Variants in LUZP2 observed in about 807,000 individuals in gnomAD.
LUZP2 encodes the protein leucine zipper protein 2.
Under a neutral mutation model 51.6 loss-of-function variants are expected in LUZP2, and 52 were observed. The observed-to-expected ratio is 1.01, with a 90% CI of 0.81 to 1.27. LUZP2 has a LOEUF of 1.27. Ranked by LOEUF, LUZP2 falls within the 50% of genes most tolerant of loss-of-function variation. LUZP2 has a pLI of 0.00. For synonymous variants in LUZP2, 154 were observed against 137.3 expected, an observed-to-expected ratio of 1.12 and a Z score of -0.85; for missense variants, 436 against 395.4, an observed-to-expected ratio of 1.10 and a Z score of -0.87.
chr11:24,785,910 A>T (rs1849233252), intron 5 of LUZP2: 32 of 985,238 alleles, frequency 3.2e-5, no homozygotes, highest in Non-Finnish European at 3.9e-5. Context: ...AGCAGTTATA[A>T]CTAGCAGGAA....
At chr11:25,017,515 G>T (rs950426682) in intron 9 of LUZP2, among the ~76,000 whole-genome samples, 6 of 152,110 alleles carry the variant, frequency 3.9e-5, no homozygotes, top group African/African-American at 1.2e-4. Context: ...ATTGAATGGG[G>T]TGTTGTTTCC....
intron 10 of LUZP2, among the ~76,000 whole-genome samples, chr11:25,075,526 C>T (rs1281659323): frequency 6.6e-6 from 1 of 152,020 alleles, no homozygotes; most frequent in East Asian, 1.9e-4. Flanking sequence ...ATAAATGTTG[C>T]CCCTGTCTTA....
chr11:25,018,577 A>G (rs1248930195), intron 9 of LUZP2, among the ~76,000 whole-genome samples: 6 of 149,594 alleles, frequency 4.0e-5, no homozygotes, highest in African/African-American at 1.5e-4. Flanking sequence ...CTATAATATA[A>G]TACTATCATT....
rs542406907 is a variant in LUZP2 at position 24,756,698 on chromosome 11, C to A, written c.334-6548C>A. 2.0e-5 allele frequency among the ~76,000 whole-genome samples: 3 copies of A among 152,304 alleles called. No individual in the cohort carries two copies. The South Asian group carries it at 6.2e-4, about 32-fold the overall frequency. Reference sequence around the variant, plus strand: ...CAATTAACACAGAAGACTTCTGTGACCAAATGTATGGGGATTTGTTCTACT... The same window carrying A: ...CAATTAACACAGAAGACTTCTGTGAACAAATGTATGGGGATTTGTTCTACT... On this transcript the variant is annotated intron_variant, in intron 4 of 11. Coordinates refer to ENST00000336930, the MANE Select transcript of LUZP2 (RefSeq NM_001009909.4).
intron 7 of LUZP2, among the ~76,000 whole-genome samples, chr11:24,936,486 C>T (rs997803596): frequency 6.6e-6 from 1 of 152,138 alleles, no homozygotes; most frequent in East Asian, 1.9e-4. Flanking sequence ...TCCTCAAAAA[C>T]ATTGCCTCTG....
At chr11:25,007,359 T>A (rs945488209) in intron 9 of LUZP2, among the ~76,000 whole-genome samples, 6 of 152,156 alleles carry the variant, frequency 3.9e-5, no homozygotes, top group African/African-American at 1.4e-4. Flanking sequence ...TCCTAGCACT[T>A]TGGTAGGCTG....
At chr11:24,932,422 G>T (rs751337167) in intron 7 of LUZP2, among the ~76,000 whole-genome samples, 11 of 152,206 alleles carry the variant, frequency 7.2e-5, no homozygotes, top group African/African-American at 2.6e-4. Flanking sequence ...CCTTCAGGTC[G>T]GGGGCAGGTT....
intron 7 of LUZP2, among the ~76,000 whole-genome samples, chr11:24,937,101 G>A (rs1009779505): frequency 2.0e-5 from 3 of 151,922 alleles, no homozygotes; most frequent in Non-Finnish European, 4.4e-5. Flanking sequence ...ACTTATCTTG[G>A]GGTCTAGGAC....
chr11:24,884,417 T>A (rs532266707), intron 5 of LUZP2, among the ~76,000 whole-genome samples: 41 of 152,114 alleles, frequency 2.7e-4, no homozygotes, highest in African/African-American at 9.4e-4. Flanking sequence ...AAGTAAACAC[T>A]CCGTAAATGC....
intron 1 of LUZP2, among the ~76,000 whole-genome samples, chr11:24,516,253 A>G (rs2133788607): frequency 6.6e-6 from 1 of 152,314 alleles, no homozygotes. Flanking sequence ...AATGAATGTA[A>G]AACCTAAAAT....
chr11:24,532,896 A>C (rs11027982), intron 1 of LUZP2, among the ~76,000 whole-genome samples: 4,086 of 151,280 alleles, frequency 0.027, 106 homozygotes, highest in Admixed American at 0.063. Flanking sequence ...AAATAACATC[A>C]GACAAATTTT....
intron 5 of LUZP2, among the ~76,000 whole-genome samples, chr11:24,856,280 T>C (rs1421774591): frequency 6.8e-6 from 1 of 147,800 alleles, no homozygotes; most frequent in Non-Finnish European, 1.5e-5. Flanking sequence ...GCAAATGATA[T>C]GAACAGACTT....
chr11:24,521,306 A>T (rs1843976312), intron 1 of LUZP2, among the ~76,000 whole-genome samples: 1 of 129,196 alleles, frequency 7.7e-6, no homozygotes, highest in East Asian at 2.5e-4. Flanking sequence ...AGCTGAGATC[A>T]TGCCATTGCA....
At chr11:25,041,609 T>C (rs958984529) in intron 9 of LUZP2, among the ~76,000 whole-genome samples, 2 of 152,210 alleles carry the variant, frequency 1.3e-5, no homozygotes, top group African/African-American at 4.8e-5. Flanking sequence ...TATAAAGTGA[T>C]ATGTATCTTA....
In LUZP2 at chr11:25,078,649, A is replaced by G. The variant is rs774336524; in HGVS notation, c.1032A>G (p.Lys344=). Residue 344 remains lysine, a synonymous_variant, in exon 12 of 12, where the codon AAA becomes AAG. Transcript: ENST00000336930. The stretch of plus-strand genomic sequence containing the variant: ...AAGGGATGGCAGCTAGAGAAGAAAA[A>G]ATACTGTAAATACTAAGAAACTGTG... The part of the protein sequence containing the change: ...SFEGMAAREE[K]IL 1.9e-6 allele frequency: 3 copies of G among 1,596,134 alleles called. No individual in the cohort carries two copies. Among genetic ancestry groups the G allele is most frequent in the South Asian group, 1.1e-5 (1 of 87,792 alleles).
intron 5 of LUZP2, among the ~76,000 whole-genome samples, chr11:24,775,213 G>A (rs543243422): frequency 2.0e-5 from 3 of 152,120 alleles, no homozygotes; most frequent in East Asian, 3.9e-4. Context: ...ATGACTATTT[G>A]CTCACTACAA....
intron 5 of LUZP2, among the ~76,000 whole-genome samples, chr11:24,811,816 T>C (rs978158102): frequency 6.6e-6 from 1 of 152,120 alleles, no homozygotes. Context: ...GATAAGATTA[T>C]CTGTAGGAAG....
chr11:24,928,898 C>T (rs528198880), intron 7 of LUZP2, among the ~76,000 whole-genome samples: 8 of 151,810 alleles, frequency 5.3e-5, no homozygotes, highest in Middle Eastern at 3.2e-3. Flanking sequence ...TTACAATTTC[C>T]GTTTCACTGC....
chr11:24,564,304 C>G (rs1220681276), intron 1 of LUZP2, among the ~76,000 whole-genome samples: 1 of 152,058 alleles, frequency 6.6e-6, no homozygotes, highest in African/African-American at 2.4e-5. Context: ...ACTGCATGAC[C>G]TCTGGTGATC....
Sources: gnomAD v4.1 joint callset for allele counts (sites outside exome capture counted in the v4.1 genomes callset) on GRCh38, gnomAD v4.1.1 for gene constraint, MANE v1.5 for transcripts, NCBI Gene and HGNC (gene_info 2026-07-23, HGNC 2026-07-21) for gene names.